UCHL5: variants seen among roughly 807,000 people sequenced by gnomAD.
The protein encoded by UCHL5 is ubiquitin carboxyl-terminal hydrolase isozyme L5.
A neutral mutation model predicts 53.8 loss-of-function variants in UCHL5; 34 were observed. The observed-to-expected ratio is 0.63, with a 90% CI of 0.48 to 0.84. The LOEUF (loss-of-function observed/expected upper bound fraction) is 0.84. UCHL5 is among the 40% of genes least tolerant of loss of function. The pLI is 0.00. For synonymous variants in UCHL5, 111 were observed against 126.3 expected (o/e 0.88, Z 0.81); for missense variants, 290 against 385.6 (o/e 0.75, Z 2.08).
intron 3 of UCHL5, among the ~76,000 whole-genome samples, chr1:193,043,910 T>C (rs1186336016): frequency 3.9e-5 from 6 of 152,170 alleles, no homozygotes; most frequent in African/African-American, 1.4e-4. Flanking sequence ...CATGTGGCTC[T>C]TCCCTTGGCT....
chr1:193,059,084 T>C lies in UCHL5; in HGVS notation c.76+101A>G. 7.8e-7 allele frequency: 1 copy of C among 1,282,650 alleles called. No homozygotes were observed. 79.5% of individuals were successfully genotyped at this position (1,282,650 alleles called of 1,614,324 possible). A position where few individuals can be genotyped will look rare whatever the true frequency, so the allele number is the denominator to read the frequency against. ...CGGACTCCAGGTTCCTGAAGTCACC[T>C]CTCCAGACGCGGGGCGGCGGTGGCC... On this transcript the variant is annotated intron_variant, in intron 1 of 10. Transcript: ENST00000367454. The surrounding 1 kb of genome is among the most constrained non-coding windows in gnomAD (Gnocchi z 4.9).
intron 10 of UCHL5, among the ~76,000 whole-genome samples, 186 bp downstream of exon 10, chr1:193,020,911 T>C (rs1449729941): frequency 1.3e-5 from 2 of 152,000 alleles, no homozygotes; most frequent in African/African-American, 2.4e-5. Context: ...GGTAATTCTT[T>C]ATTTTTGTTT....
chr1:193,038,889 G>A (rs534629538), intron 3 of UCHL5, among the ~76,000 whole-genome samples: 8 of 152,022 alleles, frequency 5.3e-5, no homozygotes, highest in Admixed American at 2.6e-4. Flanking sequence ...TTAGCTACTC[G>A]GGAGGCTGAG....
chr1:193,042,602 G>A (rs1042597568), intron 3 of UCHL5, among the ~76,000 whole-genome samples: 1 of 152,062 alleles, frequency 6.6e-6, no homozygotes, highest in Non-Finnish European at 1.5e-5. Flanking sequence ...TTTACTTCCA[G>A]TTTTTTGTTT....
rs116506997 is a variant in UCHL5 at position 193,018,588 on chromosome 1, G to C, written c.943-2193C>G. The C allele has an allele frequency of 9.3e-4, 1,144 of 1,229,370 alleles. 7 individuals are homozygous for C. In the African/African-American group the frequency reaches 9.6e-3, roughly 10 times the overall value. The allele number at this position is 1,229,370 out of a possible 1,614,324, so 76.2% of individuals were successfully genotyped here. ...AAAAACATTTATAGGTTCTAACCAA[G>C]TTCATTATAGCCATGCCGAGGGAGA... On this transcript the variant is annotated intron_variant, in intron 10 of 10. Transcript: ENST00000367454.
chr1:193,042,859 T>C (rs945275464), intron 3 of UCHL5, among the ~76,000 whole-genome samples: 7 of 152,150 alleles, frequency 4.6e-5, no homozygotes, highest in Non-Finnish European at 1.0e-4. Flanking sequence ...CTAGAGTACA[T>C]AAATTTTATC....
In UCHL5 at chr1:193,059,048, T is replaced by G. The variant is rs1237002219; in HGVS notation, c.76+137A>C. On this transcript the variant is annotated intron_variant, in intron 1 of 10. Coordinates refer to ENST00000367454, the MANE Select transcript of UCHL5 (RefSeq NM_001199261.3). This position sits in a 1 kb window ranked among gnomAD's most constrained non-coding sequence, Gnocchi z 4.9. ...CTGAGGAGAGGGCAGAACATCTACA[T>G]TTCCCCCACCCGGACTCCAGGTTCC... 5 of 849,346 alleles carry G rather than the reference T, an allele frequency of 5.9e-6. No homozygotes were observed. Among genetic ancestry groups the G allele is most frequent in the Non-Finnish European group, 8.9e-6 (5 of 560,842 alleles). The allele number at this position is 849,346 out of a possible 1,614,324, so 52.6% of individuals were successfully genotyped here. A position where few individuals can be genotyped will look rare whatever the true frequency, so the allele number is the denominator to read the frequency against.
chr1:193,021,962 T>C (rs1378897450), intron 9 of UCHL5, among the ~76,000 whole-genome samples: 2 of 152,170 alleles, frequency 1.3e-5, no homozygotes, highest in African/African-American at 4.8e-5. Context: ...TATGGAAACT[T>C]TGTGTTGTAT....
At chr1:193,059,669 C>T, upstream of UCHL5, 1 of 1,372,496 alleles carries the variant, frequency 7.3e-7, no homozygotes, top group East Asian at 4.4e-5. This position sits in a 1 kb window ranked among gnomAD's most constrained non-coding sequence, Gnocchi z 4.9. Flanking sequence ...GTTGCTGTTG[C>T]TGTGGCTGTC....
intron 3 of UCHL5, among the ~76,000 whole-genome samples, chr1:193,046,621 T>C (rs1473924764): frequency 6.7e-6 from 1 of 148,606 alleles, no homozygotes; most frequent in Non-Finnish European, 1.5e-5. Flanking sequence ...ATCAGATTAA[T>C]AATTTTAAAT....
intron 10 of UCHL5, chr1:193,018,532 C>T (rs1264103835): frequency 1.8e-6 from 2 of 1,131,666 alleles, no homozygotes; most frequent in South Asian, 4.2e-5. Flanking sequence ...GTGTATTCAA[C>T]GAATTCATCG....
intron 2 of UCHL5, 102 bp from the exon 3 acceptor site, chr1:193,049,953 A>G: frequency 1.0e-6 from 1 of 975,818 alleles, no homozygotes. Flanking sequence ...ATATAATACA[A>G]ATGAAGTAAA....
At chr1:193,027,861 G>C (rs780893035) in intron 7 of UCHL5, 1 of 1,446,658 alleles carries the variant, frequency 6.9e-7, no homozygotes, top group Non-Finnish European at 9.2e-7. Flanking sequence ...AGTGGCTCAC[G>C]CCTGTAATCC....
chr1:193,015,428 C>G lies in UCHL5; in HGVS notation c.*923G>C, dbSNP rs1310175641. 1 of 151,934 alleles carries G rather than the reference C, an allele frequency of 6.6e-6. No individual in the cohort carries two copies. The highest frequency in any genetic ancestry group is 2.4e-5 in the African/African-American group (1 of 41,400). 9.4% of individuals were successfully genotyped at this position (151,934 alleles called of 1,614,324 possible). A position where few individuals can be genotyped will look rare whatever the true frequency, so the allele number is the denominator to read the frequency against. ...GCAGAAGATTATTACAAAGCAACTC[C>G]CAAATCAATTTTTAAAAATCAATTG... is the stretch of plus-strand genomic sequence containing the variant. On this transcript the variant is annotated 3_prime_UTR_variant, in exon 11 of 11. Transcript: ENST00000367454.
At chr1:193,028,211 A>C (rs928661575) in intron 6 of UCHL5, 63 bp from the exon 7 acceptor site, 10 of 1,394,988 alleles carry the variant, frequency 7.2e-6, no homozygotes, top group Non-Finnish European at 9.6e-6. Context: ...TTTAAAATGC[A>C]AAAGTTTGGC....
At chr1:193,040,583 G>A (rs1239379396) in intron 3 of UCHL5, among the ~76,000 whole-genome samples, 1 of 152,162 alleles carries the variant, frequency 6.6e-6, no homozygotes, top group African/African-American at 2.4e-5. Context: ...AAACTGTATG[G>A]AGGTTATGCA....
chr1:193,020,710 T>A lies in UCHL5; in HGVS notation c.942+387A>T, dbSNP rs549597933. Among the ~76,000 whole-genome samples the A allele has an allele frequency of 3.2e-4, 49 of 151,972 alleles. No homozygotes were observed. In the South Asian group the frequency reaches 9.3e-3, roughly 29 times the overall value. ...TTCGTAGTACAGGCTATTTTTTTTT[T>A]AAACCCAACAATGTCCATTCTACTT... On this transcript the variant is annotated intron_variant, in intron 10 of 10. Coordinates refer to ENST00000367454, the MANE Select transcript of UCHL5 (RefSeq NM_001199261.3).
At chr1:193,052,412 C>T (rs188140103) in intron 1 of UCHL5, among the ~76,000 whole-genome samples, 26 of 152,102 alleles carry the variant, frequency 1.7e-4, no homozygotes, top group Non-Finnish European at 3.2e-4. Context: ...CTGGTGTGGA[C>T]GGTAGGGGAG....
At chr1:193,059,845 G>C, upstream of UCHL5, 1 of 1,362,174 alleles carries the variant, frequency 7.3e-7, no homozygotes, top group Non-Finnish European at 9.8e-7. The surrounding 1 kb of genome is among the most constrained non-coding windows in gnomAD (Gnocchi z 4.9). Flanking sequence ...ATTCTGACCA[G>C]TCCTCCATGT....
Sources: allele counts gnomAD v4.1 joint callset (sites outside exome capture counted in the v4.1 genomes callset), GRCh38; gene constraint gnomAD v4.1.1; non-coding constraint Gnocchi (gnomAD v3.1); transcripts MANE v1.5; gene names NCBI Gene and HGNC (gene_info 2026-07-23, HGNC 2026-07-21).